Variants in GC observed in about 807,000 individuals in gnomAD.
GC encodes the protein GC vitamin D binding protein.
A neutral mutation model predicts 56.7 loss-of-function variants in GC; 43 were observed. The observed-to-expected ratio is 0.76, with a 90% confidence interval of 0.59 to 0.98. GC has a LOEUF of 0.98. Among genes scored for constraint, GC ranks in the 50% least tolerant of loss-of-function variants. The probability of loss-of-function intolerance (pLI) is 0.00; values close to 1 mark genes in which losing one functional copy is unlikely to be tolerated. For missense variants in GC, 529 were observed against 545.9 expected (o/e 0.97, Z 0.31); for synonymous variants, 216 against 202.7 (o/e 1.07, Z -0.56).
At chr4:71,752,672 A>G (rs1183431012) in intron 10 of GC, 22 bp from the exon 11 acceptor site, 7 of 1,600,666 alleles carry the variant, frequency 4.4e-6, no homozygotes, top group Non-Finnish European at 6.0e-6. Flanking sequence ...TTTAAATGTA[A>G]GGTCTTACTA....
intron 7 of GC, among the ~76,000 whole-genome samples, 178 bp downstream of exon 7, chr4:71,757,864 T>C (rs1247780189): frequency 6.6e-6 from 1 of 152,210 alleles, no homozygotes; most frequent in Non-Finnish European, 1.5e-5. Flanking sequence ...TGACCCTTAC[T>C]AATCTTCTGT....
intron 1 of GC, among the ~76,000 whole-genome samples, chr4:71,800,213 G>A (rs1743216839): frequency 6.6e-6 from 1 of 151,970 alleles, no homozygotes; most frequent in Non-Finnish European, 1.5e-5. Context: ...TTTAGCCATT[G>A]GTCCTGATGC....
At chr4:71,748,008 G>A (rs1741431410) in intron 11 of GC, among the ~76,000 whole-genome samples, 1 of 152,128 alleles carries the variant, frequency 6.6e-6, no homozygotes, top group African/African-American at 2.4e-5. Context: ...AGCTAAGTTA[G>A]GGCTGACGTC....
intron 10 of GC, 142 bp from the exon 11 acceptor site, chr4:71,752,792 T>A: frequency 1.3e-5 from 9 of 708,588 alleles, no homozygotes; most frequent in Non-Finnish European, 2.1e-5. Context: ...ATTCTATACC[T>A]GTGGTATAGA....
intron 1 of GC, among the ~76,000 whole-genome samples, chr4:71,800,187 A>G (rs1743216179): frequency 1.3e-5 from 2 of 151,840 alleles, no homozygotes; most frequent in Non-Finnish European, 2.9e-5. Context: ...CCTTCTAGGT[A>G]TTAAGCCCTG....
chr4:71,784,342 T>C (rs1224920420), upstream of GC: 35 of 1,035,412 alleles, frequency 3.4e-5, no homozygotes, highest in Non-Finnish European at 3.8e-5. Flanking sequence ...CTGCTGTTCC[T>C]CACTAAAGTT....
chr4:71,761,518 G>C (rs1578293599), intron 6 of GC, among the ~76,000 whole-genome samples: 1 of 152,178 alleles, frequency 6.6e-6, no homozygotes, highest in Admixed American at 6.5e-5. Context: ...ATTTGCATAA[G>C]TAACAAGGAG....
At chr4:71,791,195 A>C (rs1488822129) in intron 1 of GC, among the ~76,000 whole-genome samples, 1 of 151,998 alleles carries the variant, frequency 6.6e-6, no homozygotes, top group Non-Finnish European at 1.5e-5. Context: ...TACCAATCCC[A>C]TTGTTTGTAC....
At chr4:71,754,914 C>A in intron 9 of GC, 64 bp downstream of exon 9, 1 of 1,175,176 alleles carries the variant, frequency 8.5e-7, no homozygotes, top group Non-Finnish European at 1.2e-6. Flanking sequence ...AAGTTTTGGC[C>A]CATGAACTAT....
At chr4:71,805,129 A>G (rs1473093228), upstream of GC, among the ~76,000 whole-genome samples, 1 of 152,104 alleles carries the variant, frequency 6.6e-6, no homozygotes, top group Non-Finnish European at 1.5e-5. Flanking sequence ...TCCAGGAATC[A>G]TGGGTTATGG....
chr4:71,747,026 C>T (rs1200782130), intron 11 of GC, among the ~76,000 whole-genome samples: 1 of 151,660 alleles, frequency 6.6e-6, no homozygotes, highest in Non-Finnish European at 1.5e-5. Flanking sequence ...AGAGATGTTG[C>T]AGAATTAGAA....
intron 1 of GC, among the ~76,000 whole-genome samples, chr4:71,776,314 T>C (rs1390992038): frequency 6.6e-6 from 1 of 151,902 alleles, no homozygotes; most frequent in Non-Finnish European, 1.5e-5. Flanking sequence ...TTGAATACTA[T>C]TCAGCCTTAA....
chr4:71,798,145 A>T lies in GC; in HGVS notation c.21+5781T>A, dbSNP rs541167624. 1.3e-5 allele frequency among the ~76,000 whole-genome samples: 2 copies of T among 152,240 alleles called. 1 individual carries two copies. Among genetic ancestry groups the T allele is most frequent in the South Asian group, 4.1e-4 (2 of 4,820 alleles). On this transcript the variant is annotated intron_variant, in intron 1 of 13. Coordinates refer to the GC transcript ENST00000504199. ...ATTATTTTAGCATTTTTCATTTCAGAACTTCCATTTGATTTTAATTTATAG... is the reference window on the plus strand; with the variant it reads ...ATTATTTTAGCATTTTTCATTTCAGTACTTCCATTTGATTTTAATTTATAG...
At chr4:71,803,791 T>C (rs1743302756) in intron 1 of GC, 2 of 662,522 alleles carry the variant, frequency 3.0e-6, no homozygotes, top group Non-Finnish European at 5.4e-6. Context: ...CTTTCTTATA[T>C]TTTTAATTTT....
chr4:71,741,961 T>G (rs2070741), intron 12 of GC, 91 bp from the exon 13 acceptor site: 53,800 of 698,008 alleles, frequency 0.077, 2,438 homozygotes, highest in East Asian at 0.16. Flanking sequence ...TATAAACTCA[T>G]GCTATTTTAA....
chr4:71,774,109 T>A (rs1394043961), intron 1 of GC, among the ~76,000 whole-genome samples: 1 of 151,990 alleles, frequency 6.6e-6, no homozygotes, highest in Non-Finnish European at 1.5e-5. Flanking sequence ...CTTGAGTCAA[T>A]GAAAAGAAAT....
At chr4:71,795,550 C>G (rs1187034608) in intron 1 of GC, among the ~76,000 whole-genome samples, 2 of 152,156 alleles carry the variant, frequency 1.3e-5, no homozygotes, top group Non-Finnish European at 2.9e-5. Flanking sequence ...CAATGTGTGT[C>G]TCTGCATGTG....
chr4:71,783,827 T>C, intron 1 of GC, 134 bp downstream of exon 1: 1 of 536,000 alleles, frequency 1.9e-6, no homozygotes, highest in Non-Finnish European at 3.1e-6. Context: ...TTAATGCCTC[T>C]CTGGTCCTTA....
At chr4:71,782,867 G>A (rs537020005) in intron 1 of GC, among the ~76,000 whole-genome samples, 50 of 151,802 alleles carry the variant, frequency 3.3e-4, no homozygotes, top group Non-Finnish European at 6.0e-4. Flanking sequence ...GTCTTATAAG[G>A]GACACAATTT....
Sources: allele counts gnomAD v4.1 joint callset (sites outside exome capture counted in the v4.1 genomes callset), GRCh38; gene constraint gnomAD v4.1.1; transcripts MANE v1.5; gene names NCBI Gene and HGNC (gene_info 2026-07-23, HGNC 2026-07-21).